The following SLIT3 variants were observed in gnomAD, a reference collection of about 807,000 sequenced individuals.
SLIT3 encodes the protein slit homolog 3 protein.
In SLIT3, 68 loss-of-function variants were observed where a neutral mutation model predicts 184.0. The observed-to-expected ratio is 0.37, with a 90% CI of 0.30 to 0.45. SLIT3 has a LOEUF of 0.45. SLIT3 is among the 20% of genes least tolerant of loss of function. The pLI is 1.00. For synonymous variants in SLIT3, 831 were observed against 828.6 expected (o/e 1.00, Z -0.05); for missense variants, 1,707 against 2,026.0 (o/e 0.84, Z 3.02).
Position 168,671,241 on chromosome 5 carries a change from G to A in SLIT3, c.4084C>T (p.Pro1362Ser), listed in dbSNP as rs921659316. 1 of 1,612,478 alleles carries A rather than the reference G, an allele frequency of 6.2e-7. No individual in the cohort carries two copies. The highest frequency in any genetic ancestry group is 1.3e-5 in the African/African-American group (1 of 74,908). ...TCCCGGGCCTCCTGATCGCAGAGTG[G>A]GCCGGTCCAGCCTGGGCGGCACTCG... The part of the protein sequence containing the change: ...VCECRPGWTG[P>S]LCDQEARDPC... Residue 1362 changes from proline to serine, a missense_variant, in exon 34 of 36, where the codon CCA becomes TCA. Pro to Ser is a moderately conservative substitution (Grantham distance 74). This residue lies in a region of SLIT3 where 387 missense variants were observed against 477.9 expected (regional missense o/e 0.81). Transcript: ENST00000519560.
At chr5:169,150,324 G>A (rs1762072983) in intron 4 of SLIT3, among the ~76,000 whole-genome samples, 1 of 152,214 alleles carries the variant, frequency 6.6e-6, no homozygotes, top group African/African-American at 2.4e-5. Flanking sequence ...ATCTGGTCTA[G>A]GCCAGGACCA....
At chr5:168,884,470 T>C (rs1760097802) in intron 4 of SLIT3, among the ~76,000 whole-genome samples, 1 of 135,230 alleles carries the variant, frequency 7.4e-6, no homozygotes, top group African/African-American at 2.8e-5. Flanking sequence ...CATTATTTTT[T>C]AAAAGAACAC....
chr5:168,963,675 G>C lies in SLIT3; in HGVS notation c.414-80339C>G, dbSNP rs1044269372. 5.3e-5 allele frequency among the ~76,000 whole-genome samples: 8 copies of C among 152,318 alleles called. No homozygotes were observed. In the East Asian group the frequency reaches 7.7e-4, roughly 15 times the overall value. On this transcript the variant is annotated intron_variant, in intron 4 of 35. Transcript: ENST00000519560. ...TTGTCTAGCAGTGTGTTAGGTACCT[G>C]ATTCAGAGTCTGGACCATCATAGGC...
intron 6 of SLIT3, 45 bp downstream of exon 6, chr5:168,844,539 A>C (rs1376061869): frequency 1.3e-6 from 2 of 1,566,312 alleles, no homozygotes; most frequent in Non-Finnish European, 1.8e-6. Flanking sequence ...ACACATACAC[A>C]CACATGCACG....
In SLIT3 at chr5:168,986,419, C is replaced by G. The variant is rs144262282; in HGVS notation, c.414-103083G>C. Among the ~76,000 whole-genome samples, 15 of 152,248 alleles carry G rather than the reference C, an allele frequency of 9.9e-5. No homozygotes were observed. In the East Asian group the frequency reaches 2.7e-3, roughly 27 times the overall value. Reference sequence around the variant, plus strand: ...ACATGGCCTCCATAGCCCTCCTCTCCCTTTGGGTACCATGATGCTTTTCAG... The same window carrying G: ...ACATGGCCTCCATAGCCCTCCTCTCGCTTTGGGTACCATGATGCTTTTCAG... On this transcript the variant is annotated intron_variant, in intron 4 of 35. Transcript: ENST00000519560.
At position 168,664,277 on chromosome 5, in the gene SLIT3, CTG is replaced by C. The variant is rs1760964372; in HGVS notation, c.*2175_*2176del. The stretch of plus-strand genomic sequence containing the variant: ...CCTGTAATCCCAGCATTTTGGGAGA[CTG>C]AGGCAGGAAGATGGCTTGAGCCTAG... On this transcript the variant is annotated 3_prime_UTR_variant, in exon 36 of 36. Coordinates refer to ENST00000519560, the MANE Select transcript of SLIT3 (RefSeq NM_003062.4). 6.6e-6 allele frequency: 1 copy of C among 152,144 alleles called. No homozygotes were observed. Among genetic ancestry groups the C allele is most frequent in the East Asian group, 1.9e-4 (1 of 5,190 alleles). 9.4% of individuals were successfully genotyped at this position (152,144 alleles called of 1,614,324 possible).
chr5:168,960,960 T>A (rs1762983897), intron 4 of SLIT3, among the ~76,000 whole-genome samples: 1 of 152,218 alleles, frequency 6.6e-6, no homozygotes, highest in Non-Finnish European at 1.5e-5. Context: ...TCCTAAGAAC[T>A]GACAATTTGG....
intron 4 of SLIT3, among the ~76,000 whole-genome samples, chr5:168,895,349 G>A (rs1340414873): frequency 6.6e-6 from 1 of 152,192 alleles, no homozygotes; most frequent in Non-Finnish European, 1.5e-5. Context: ...CCCAGAGGTT[G>A]GAGTTTGGCA....
At position 168,892,080 on chromosome 5, in the gene SLIT3, G is replaced by A. The variant is rs112425270; in HGVS notation, c.414-8744C>T. ...GGCGATCTGCTAATTCTAGAATGGC[G>A]CTGTCCCACGGAAATATATCACAAG... is the stretch of plus-strand genomic sequence containing the variant. On this transcript the variant is annotated intron_variant, in intron 4 of 35. Transcript: ENST00000519560. Among the ~76,000 whole-genome samples the A allele has an allele frequency of 5.3e-5, 8 of 152,204 alleles. 2 individuals carry two copies. The highest frequency in any genetic ancestry group is 1.7e-4 in the African/African-American group (7 of 41,536).
chr5:168,699,001 C>T (rs906926375), intron 27 of SLIT3, among the ~76,000 whole-genome samples: 1 of 152,216 alleles, frequency 6.6e-6, no homozygotes, highest in African/African-American at 2.4e-5. Flanking sequence ...ATCTGACCCC[C>T]CCAATCCCTC....
At chr5:168,726,667 T>TA (rs1484194720) in intron 20 of SLIT3, among the ~76,000 whole-genome samples, 1 of 151,846 alleles carries the variant, frequency 6.6e-6, no homozygotes, top group African/African-American at 2.4e-5. Flanking sequence ...CCAAGGGGCT[T>TA]ACTGCAGAAA....
intron 4 of SLIT3, among the ~76,000 whole-genome samples, chr5:169,169,014 C>T (rs1369097686): frequency 6.8e-6 from 1 of 147,710 alleles, no homozygotes; most frequent in Non-Finnish European, 1.5e-5. Flanking sequence ...GCCCTGTGAT[C>T]CCAGAGCAGG....
intron 4 of SLIT3, among the ~76,000 whole-genome samples, chr5:169,183,244 A>G (rs1763227092): frequency 6.6e-6 from 1 of 152,234 alleles, no homozygotes; most frequent in Admixed American, 6.5e-5. Context: ...AGTCCCAAGT[A>G]TAAGCTGGGT....
At chr5:169,118,078 C>T (rs1182623033) in intron 4 of SLIT3, among the ~76,000 whole-genome samples, 1 of 152,086 alleles carries the variant, frequency 6.6e-6, no homozygotes, top group Non-Finnish European at 1.5e-5. Flanking sequence ...TTTGGGAGGC[C>T]AAGGCGGGAG....
chr5:168,758,401 G>A (rs535007039), intron 16 of SLIT3, among the ~76,000 whole-genome samples: 1 of 152,220 alleles, frequency 6.6e-6, no homozygotes, highest in African/African-American at 2.4e-5. Context: ...CGCTTGGCCA[G>A]CTTGATTCAT....
At chr5:168,718,677 T>TACAC (rs1163238928) in intron 23 of SLIT3, among the ~76,000 whole-genome samples, 11,503 of 108,554 alleles carry the variant, frequency 0.11, 1,245 homozygotes, top group Middle Eastern at 0.14. Flanking sequence ...TATCCACCCA[T>TACAC]ACACACACAC....
chr5:169,238,594 T>A (rs1012081308), intron 3 of SLIT3, among the ~76,000 whole-genome samples: 1 of 150,440 alleles, frequency 6.6e-6, no homozygotes, highest in African/African-American at 2.4e-5. Flanking sequence ...TCATTCTGGT[T>A]TTTGCAAAGC....
chr5:168,769,724 G>A (rs2113527793), intron 14 of SLIT3, among the ~76,000 whole-genome samples: 2 of 152,268 alleles, frequency 1.3e-5, no homozygotes, highest in South Asian at 4.1e-4. Context: ...CCCTCACCAA[G>A]CCTTAAAATC....
intron 1 of SLIT3, among the ~76,000 whole-genome samples, chr5:169,281,101 A>G (rs1766977327): frequency 6.6e-6 from 1 of 152,256 alleles, no homozygotes. Flanking sequence ...AATTACTGCC[A>G]TAGAGCCAAG....
Sources: allele counts gnomAD v4.1 joint callset (sites outside exome capture counted in the v4.1 genomes callset), GRCh38; gene constraint gnomAD v4.1.1; regional missense constraint gnomAD v4.1.1; transcripts MANE v1.5; gene names NCBI Gene and HGNC (gene_info 2026-07-23, HGNC 2026-07-21).